The following DPYD variants were observed in gnomAD, a reference collection of about 807,000 sequenced individuals.
DPYD encodes the protein dihydropyrimidine dehydrogenase.
DPYD carries 109 observed loss-of-function variants against 116.2 expected under a neutral mutation model. The observed-to-expected ratio is 0.94, with a 90% confidence interval of 0.80 to 1.10. The LOEUF is 1.10. Among genes scored for constraint, DPYD ranks in the 50% least tolerant of loss-of-function variants. The pLI is 0.00. For missense variants in DPYD, 1,302 were observed against 1,254.5 expected (o/e 1.04, Z -0.57); for synonymous variants, 440 against 432.0 (o/e 1.02, Z -0.23).
At chr1:97,503,252 C>T (rs1189260287) in intron 13 of DPYD, among the ~76,000 whole-genome samples, 2 of 152,032 alleles carry the variant, frequency 1.3e-5, no homozygotes, top group South Asian at 4.1e-4. Flanking sequence ...AAAAATCACA[C>T]CAATGTTTGT....
At chr1:97,286,921 G>A (rs925196960) in intron 18 of DPYD, among the ~76,000 whole-genome samples, 1 of 152,224 alleles carries the variant, frequency 6.6e-6, no homozygotes, top group Non-Finnish European at 1.5e-5. Context: ...CTCTCAACTC[G>A]TCAAAGTCAT....
chr1:97,398,280 T>G (rs7549522), intron 14 of DPYD, among the ~76,000 whole-genome samples: 29,115 of 152,102 alleles, frequency 0.19, 2,948 homozygotes, highest in South Asian at 0.36. Context: ...AGGAACTCAT[T>G]ATTTTTTATG....
At chr1:97,609,813 T>A (rs1464823791) in intron 8 of DPYD, among the ~76,000 whole-genome samples, 1 of 151,992 alleles carries the variant, frequency 6.6e-6, no homozygotes, top group African/African-American at 2.4e-5. Context: ...AGCTATTTTA[T>A]TCATAAGAAA....
chr1:97,384,963 C>A (rs894133764), intron 14 of DPYD, among the ~76,000 whole-genome samples: 1 of 151,944 alleles, frequency 6.6e-6, no homozygotes, highest in Non-Finnish European at 1.5e-5. Context: ...GTTTAGGATT[C>A]AATTTTTTTC....
intron 14 of DPYD, among the ~76,000 whole-genome samples, chr1:97,383,481 AAAAAAAAGAAAAAAAG>A (rs1046035700): frequency 1.3e-5 from 2 of 148,940 alleles, no homozygotes; most frequent in Admixed American, 6.7e-5. Flanking sequence ...GTCTCAAAAA[AAAAAAAAGAAAAAAAG>A]AAAAAAAGAA....
At chr1:97,760,074 G>A (rs1053198227) in intron 3 of DPYD, among the ~76,000 whole-genome samples, 1 of 152,150 alleles carries the variant, frequency 6.6e-6, no homozygotes, top group African/African-American at 2.4e-5. Flanking sequence ...TGTTTTGGTG[G>A]AAGAAGCAGA....
intron 16 of DPYD, among the ~76,000 whole-genome samples, chr1:97,351,385 A>T (rs971585396): frequency 1.3e-5 from 2 of 152,140 alleles, no homozygotes; most frequent in Non-Finnish European, 2.9e-5. Flanking sequence ...GGCGTTTGCA[A>T]AATGATATTA....
At chr1:97,478,650 T>TA (rs1263666158) in intron 13 of DPYD, among the ~76,000 whole-genome samples, 1 of 152,146 alleles carries the variant, frequency 6.6e-6, no homozygotes, top group Non-Finnish European at 1.5e-5. Context: ...GGCTTCAACT[T>TA]AGAGTCATCA....
At chr1:97,242,289 G>A (rs1337725354) in intron 18 of DPYD, among the ~76,000 whole-genome samples, 1 of 149,830 alleles carries the variant, frequency 6.7e-6, no homozygotes, top group African/African-American at 2.4e-5. Flanking sequence ...CAATCTAAAG[G>A]ATCATGAGTA....
intron 12 of DPYD, among the ~76,000 whole-genome samples, chr1:97,549,071 A>ATT (rs554044934): frequency 6.9e-6 from 1 of 145,552 alleles, no homozygotes. Flanking sequence ...TTTCTTTCTT[A>ATT]TTTTTTTTTT....
chr1:97,803,383 A>G (rs1667933913), intron 3 of DPYD, among the ~76,000 whole-genome samples: 1 of 151,950 alleles, frequency 6.6e-6, no homozygotes, highest in African/African-American at 2.4e-5. Context: ...TCCTTTACAT[A>G]TATTCCTGAA....
chr1:97,517,359 T>C (rs961131758), intron 12 of DPYD, among the ~76,000 whole-genome samples: 6 of 152,044 alleles, frequency 3.9e-5, no homozygotes, highest in Non-Finnish European at 7.4e-5. Flanking sequence ...ATATAGGAAA[T>C]TGGAGGTTAA....
chr1:97,597,273 C>T (rs776168219), intron 8 of DPYD, among the ~76,000 whole-genome samples: 4 of 152,186 alleles, frequency 2.6e-5, no homozygotes, highest in East Asian at 3.9e-4. Flanking sequence ...TCAAGGTCCA[C>T]GGAGCCCTCC....
At chr1:97,848,336 A>T (rs888505411) in intron 2 of DPYD, among the ~76,000 whole-genome samples, 3 of 152,206 alleles carry the variant, frequency 2.0e-5, no homozygotes, top group Non-Finnish European at 4.4e-5. Flanking sequence ...TGACCTCGTG[A>T]TCCACCCACC....
intron 5 of DPYD, among the ~76,000 whole-genome samples, chr1:97,706,845 TAA>T (rs1661989298): frequency 6.6e-6 from 1 of 152,242 alleles, no homozygotes; most frequent in Admixed American, 6.6e-5. Flanking sequence ...CATGTTAACG[TAA>T]GTTTTCAACT....
chr1:97,549,628 C>T lies in DPYD; in HGVS notation c.1456G>A (p.Ala486Thr), dbSNP rs747161261. ...VFAGGDVVGL[A>T]NTTVESVNDG... Reference sequence around the variant, plus strand: ...TTCACCGATTCCACTGTAGTGTTAGCCAAACCAACGACATCACCACCTGCA... The same window carrying T: ...TTCACCGATTCCACTGTAGTGTTAGTCAAACCAACGACATCACCACCTGCA... The change falls in exon 12 of 23, where the codon GCT becomes ACT. Residue 486 changes from alanine to threonine, a missense_variant. By Grantham distance (58) the Ala-to-Thr change is moderately conservative. Transcript: ENST00000370192. 2 of 1,613,834 alleles carry T rather than the reference C, an allele frequency of 1.2e-6. No individual in the cohort carries two copies. Among genetic ancestry groups the T allele is most frequent in the Non-Finnish European group, 1.7e-6 (2 of 1,179,866 alleles).
At chr1:97,769,191 G>T (rs772901681) in intron 3 of DPYD, among the ~76,000 whole-genome samples, 3 of 151,994 alleles carry the variant, frequency 2.0e-5, no homozygotes, top group Non-Finnish European at 2.9e-5. Context: ...TATTCCACAG[G>T]AAAGAAAAGG....
At chr1:97,839,652 G>A (rs1286366011) in intron 2 of DPYD, among the ~76,000 whole-genome samples, 1 of 152,168 alleles carries the variant, frequency 6.6e-6, no homozygotes, top group East Asian at 1.9e-4. Flanking sequence ...GAATTTTGCT[G>A]TTAGGAATAA....
chr1:97,845,047 T>A (rs1263303414), intron 2 of DPYD, among the ~76,000 whole-genome samples: 1 of 151,934 alleles, frequency 6.6e-6, no homozygotes, highest in African/African-American at 2.4e-5. Context: ...TGCTGAGGGG[T>A]GCTCAGCATG....
Sources: gnomAD v4.1 joint callset for allele counts (sites outside exome capture counted in the v4.1 genomes callset) on GRCh38, gnomAD v4.1.1 for gene constraint, MANE v1.5 for transcripts, NCBI Gene and HGNC (gene_info 2026-07-23, HGNC 2026-07-21) for gene names.